Variants in ODAPH observed in about 807,000 individuals in gnomAD.
ODAPH encodes the protein odontogenesis associated phosphoprotein.
Under a neutral mutation model 2.8 loss-of-function variants are expected in ODAPH, and 2 were observed. The ratio of observed to expected loss-of-function variants is 0.72; its 90% CI spans 0.30 to 2.28. ODAPH has a LOEUF of 2.28. Among genes scored for constraint, ODAPH ranks in the 30% most tolerant of loss-of-function variants. ODAPH has a pLI of 0.13. For missense variants in ODAPH, 159 were observed against 163.3 expected, an observed-to-expected ratio of 0.97 and a Z score of 0.14; for synonymous variants, 75 against 60.3, an observed-to-expected ratio of 1.24 and a Z score of -1.13.
At chr4:75,556,611 TTTAA>T in intron 1 of ODAPH, 1 of 1,517,552 alleles carries the variant, frequency 6.6e-7, no homozygotes, top group South Asian at 1.2e-5. Flanking sequence ...TGTTCATTGC[TTTAA>T]TTAATCACAT....
At chr4:75,560,296 A>G (rs562321967) in intron 1 of ODAPH, among the ~76,000 whole-genome samples, 10 of 152,344 alleles carry the variant, frequency 6.6e-5, no homozygotes, top group African/African-American at 1.9e-4. Context: ...AGAGTTTCAA[A>G]GCAAATTCTT....
At position 75,557,613 on chromosome 4, in the gene ODAPH, T is replaced by TG. The variant is rs199701120; in HGVS notation, c.67+1468dup. Among the ~76,000 whole-genome samples, 1,335 of 152,324 alleles carry TG rather than the reference T, an allele frequency of 8.8e-3. 18 individuals are homozygous for TG. The highest frequency in any genetic ancestry group is 0.031 in the African/African-American group (1,271 of 41,578). Reference sequence around the variant, plus strand: ...AAGATCGTGCCATTGCACTCCAGCCTGGGGAACAAGAGTGAAACTCTGTCT... The same window carrying TG: ...AAGATCGTGCCATTGCACTCCAGCCTGGGGGAACAAGAGTGAAACTCTGTCT... On this transcript the variant is annotated intron_variant, in intron 1 of 1. Transcript: ENST00000311623.
chr4:75,564,142 A>C lies in ODAPH; in HGVS notation c.96A>C (p.Gly32=). ...EGQEEVFTPP[G]DSQNNADATD... is the part of the protein sequence containing the mutation. ...AAGAAGAGGTATTTACGCCTCCTGGAGATTCACAAAATAATGCGGACGCTA... is the reference window on the plus strand; with the variant it reads ...AAGAAGAGGTATTTACGCCTCCTGGCGATTCACAAAATAATGCGGACGCTA... Residue 32 remains glycine (G), a synonymous_variant, in exon 2 of 2, where the codon GGA becomes GGC. Coordinates refer to ENST00000311623, the MANE Select transcript of ODAPH (RefSeq NM_178497.5). The C allele has an allele frequency of 1.9e-6, 3 of 1,614,102 alleles. No individual in the cohort carries two copies. The highest frequency in any genetic ancestry group is 2.5e-6 in the Non-Finnish European group (3 of 1,180,030).
At chr4:75,562,339 CTT>C (rs10672492) in intron 1 of ODAPH, among the ~76,000 whole-genome samples, 31 of 135,552 alleles carry the variant, frequency 2.3e-4, no homozygotes, top group Admixed American at 3.0e-4. Flanking sequence ...GTGGGAAGTT[CTT>C]TTTTTTTTTT....
At chr4:75,557,348 C>A (rs1201189391) in intron 1 of ODAPH, among the ~76,000 whole-genome samples, 1 of 152,104 alleles carries the variant, frequency 6.6e-6, no homozygotes, top group Non-Finnish European at 1.5e-5. Flanking sequence ...ATCTTAAAAA[C>A]ACCCACTGAG....
At chr4:75,563,005 CTTTTTTTTTTTTTTT>C (rs542417085) in intron 1 of ODAPH, among the ~76,000 whole-genome samples, 718 of 59,380 alleles carry the variant, frequency 0.012, 3 homozygotes, top group Non-Finnish European at 0.017. Context: ...ATCCACACAT[CTTTTTTTTTTTTTTT>C]TTTTTTTTTT....
rs1727726593 is a variant in ODAPH, at chr4:75,564,342, T to C, written c.296T>C (p.Phe99Ser). 1 of 1,614,052 alleles carries C rather than the reference T, an allele frequency of 6.2e-7. No homozygotes were observed. Among genetic ancestry groups the C allele is most frequent in the Admixed American group, 1.7e-5 (1 of 59,996 alleles). The change falls in exon 2 of 2, where the codon TTT becomes TCT. Residue 99 changes from phenylalanine (F) to serine (S), a missense_variant. By Grantham distance (155) the Phe-to-Ser change is radical (BLOSUM62 -2). Transcript: ENST00000311623. ...GTCCCTTCAAGGTGTAACCACCGTTTTCCATTCCAGCCATTTTATTGGCCA... is the reference window on the plus strand; with the variant it reads ...GTCCCTTCAAGGTGTAACCACCGTTCTCCATTCCAGCCATTTTATTGGCCA... Reference protein sequence around the residue: ...PFVPSRCNHRFPFQPFYWPHR... With the variant: ...PFVPSRCNHRSPFQPFYWPHR...
At chr4:75,563,667 T>A (rs772455244) in intron 1 of ODAPH, among the ~76,000 whole-genome samples, 2 of 152,220 alleles carry the variant, frequency 1.3e-5, no homozygotes, top group African/African-American at 4.8e-5. Flanking sequence ...AAGGGAGTCG[T>A]ACAGTATGTA....
chr4:75,559,640 G>GCT (rs1727481562), intron 1 of ODAPH, among the ~76,000 whole-genome samples: 3 of 152,178 alleles, frequency 2.0e-5, no homozygotes, highest in Non-Finnish European at 4.4e-5. Flanking sequence ...TTGCAGAAGA[G>GCT]CTCTCATCTT....
rs7673640 is a variant in ODAPH, at chr4:75,562,800, G to A, written c.68-1314G>A. 5.3e-3 allele frequency among the ~76,000 whole-genome samples: 805 copies of A among 152,236 alleles called. 4 individuals carry two copies. The highest frequency in any genetic ancestry group is 0.018 in the African/African-American group (765 of 41,524). ...TTTGATCCAAATTTCTTCTCAAAAA[G>A]TAATTGTATCCTGGTTCTCAGTGCT... On this transcript the variant is annotated intron_variant, in intron 1 of 1. Coordinates refer to ENST00000311623, the MANE Select transcript of ODAPH (RefSeq NM_178497.5).
chr4:75,556,546 T>C (rs1190475442), intron 1 of ODAPH: 3 of 1,534,922 alleles, frequency 2.0e-6, no homozygotes, highest in Non-Finnish European at 1.7e-6. Context: ...TACAGCACTG[T>C]CCACTTTCTA....
chr4:75,565,701 C>A (rs1048457260), downstream of ODAPH: 1 of 151,848 alleles, frequency 6.6e-6, no homozygotes, highest in Admixed American at 6.6e-5. Flanking sequence ...GTGGTTTGCA[C>A]TTTTTCCTCC....
chr4:75,557,067 G>C (rs954760746), intron 1 of ODAPH, among the ~76,000 whole-genome samples: 11 of 152,168 alleles, frequency 7.2e-5, no homozygotes, highest in African/African-American at 2.7e-4. Context: ...CATAAGAGCT[G>C]GTTGTGGAAC....
chr4:75,560,984 G>A (rs983046546), intron 1 of ODAPH, among the ~76,000 whole-genome samples: 6 of 152,108 alleles, frequency 3.9e-5, no homozygotes, highest in Non-Finnish European at 7.4e-5. Context: ...TTGGGAGGCC[G>A]AGGCGGGCGG....
intron 1 of ODAPH, among the ~76,000 whole-genome samples, chr4:75,558,773 G>A (rs989829240): frequency 2.0e-5 from 3 of 152,154 alleles, no homozygotes; most frequent in Non-Finnish European, 4.4e-5. Flanking sequence ...TCAGCTCACT[G>A]CAACCTCCGC....
intron 1 of ODAPH, among the ~76,000 whole-genome samples, chr4:75,561,202 C>T (rs1727557777): frequency 9.1e-6 from 1 of 110,280 alleles, no homozygotes; most frequent in Non-Finnish European, 1.7e-5. Context: ...CCAGCCTGGG[C>T]AACAGAGCGA....
chr4:75,565,564 T>C (rs1476701941), downstream of ODAPH: 2 of 152,196 alleles, frequency 1.3e-5, no homozygotes, highest in Non-Finnish European at 2.9e-5. Context: ...GGGTGCAATA[T>C]GAGAAACAAA....
At chr4:75,562,378 T>C (rs1727616382) in intron 1 of ODAPH, among the ~76,000 whole-genome samples, 2 of 151,204 alleles carry the variant, frequency 1.3e-5, no homozygotes, top group Non-Finnish European at 3.0e-5. Context: ...TTGCTCTCGT[T>C]GCCCAGGCTG....
At chr4:75,560,553 C>T (rs978789242) in intron 1 of ODAPH, among the ~76,000 whole-genome samples, 12 of 152,170 alleles carry the variant, frequency 7.9e-5, no homozygotes, top group Admixed American at 3.3e-4. Flanking sequence ...AGCTAACTAG[C>T]GACCCGATAG....
Sources: gnomAD v4.1 joint callset for allele counts (sites outside exome capture counted in the v4.1 genomes callset) on GRCh38, gnomAD v4.1.1 for gene constraint, MANE v1.5 for transcripts, NCBI Gene and HGNC (gene_info 2026-07-23, HGNC 2026-07-21) for gene names.